The following LRP2BP variants were observed in gnomAD, a reference collection of about 807,000 sequenced individuals.
The protein encoded by LRP2BP is LRP2 binding protein.
In LRP2BP, 38 loss-of-function variants were observed where a neutral mutation model predicts 45.2. The observed-to-expected ratio is 0.84, with a 90% CI of 0.65 to 1.10. The LOEUF (loss-of-function observed/expected upper bound fraction) is 1.10. Among genes scored for constraint, LRP2BP ranks in the 50% least tolerant of loss-of-function variants. The pLI is 0.00. For synonymous variants in LRP2BP, 153 were observed against 153.9 expected, an observed-to-expected ratio of 0.99 and a Z score of 0.04; for missense variants, 385 against 418.9, an observed-to-expected ratio of 0.92 and a Z score of 0.71.
intron 2 of LRP2BP, chr4:185,377,848 CT>C: frequency 2.4e-6 from 1 of 424,130 alleles, no homozygotes; most frequent in Non-Finnish European, 4.2e-6. Flanking sequence ...GAAGCATGTC[CT>C]TAAGTCCTGA....
At chr4:185,373,269 G>A (rs563229045) in intron 6 of LRP2BP, among the ~76,000 whole-genome samples, 190 bp from the exon 7 acceptor site, 4 of 152,280 alleles carry the variant, frequency 2.6e-5, no homozygotes, top group African/African-American at 7.2e-5. Context: ...GAGTTCCTCC[G>A]CTGTCTGTCC....
rs1184392698 is a variant in LRP2BP, at chr4:185,365,692, ATAATAAT to A, written c.*1481_*1487del. The A allele has an allele frequency of 5.0e-5, 7 of 138,796 alleles. No individual in the cohort carries two copies. The highest frequency in any genetic ancestry group is 2.0e-4 in the African/African-American group (7 of 35,602). 8.6% of individuals were successfully genotyped at this position (138,796 alleles called of 1,614,324 possible). On this transcript the variant is annotated 3_prime_UTR_variant, in exon 9 of 9. Coordinates refer to ENST00000505916, the MANE Select transcript of LRP2BP (RefSeq NM_001377440.1). ...GAGACTCCGTCTCAAAAAAAAAAAAATAATAATAATAATAATAATAATAATCTTTAGG... is the reference window on the plus strand; with the variant it reads ...GAGACTCCGTCTCAAAAAAAAAAAAAAATAATAATAATAATAATCTTTAGG...
intron 7 of LRP2BP, among the ~76,000 whole-genome samples, chr4:185,372,449 C>T (rs1266115106): frequency 6.6e-6 from 1 of 152,226 alleles, no homozygotes; most frequent in African/African-American, 2.4e-5. Context: ...CAATAGCTAT[C>T]ATTTCTAATA....
At chr4:185,385,914 G>GT (rs66982021) in intron 1 of LRP2BP, among the ~76,000 whole-genome samples, 4 of 144,692 alleles carry the variant, frequency 2.8e-5, no homozygotes, top group Admixed American at 6.9e-5. Flanking sequence ...GAGGGGGGGG[G>GT]GGAGATAAAG....
chr4:185,392,844 T>C (rs1001642924), intron 1 of LRP2BP, among the ~76,000 whole-genome samples: 7 of 152,234 alleles, frequency 4.6e-5, no homozygotes, highest in African/African-American at 1.7e-4. Context: ...TCAGAAATGC[T>C]TGATGCGTTT....
chr4:185,388,370 T>G (rs573698640), intron 1 of LRP2BP, among the ~76,000 whole-genome samples: 4 of 135,886 alleles, frequency 2.9e-5, no homozygotes, highest in African/African-American at 9.0e-5. Flanking sequence ...TCCCGGGGTC[T>G]TATTTCTGCC....
chr4:185,392,129 TCTA>T (rs2095489823), intron 1 of LRP2BP, among the ~76,000 whole-genome samples: 1 of 152,222 alleles, frequency 6.6e-6, no homozygotes, highest in Admixed American at 6.5e-5. Flanking sequence ...CTCTACTTCA[TCTA>T]ATTTTACAAA....
Position 185,367,121 on chromosome 4 carries a change from A to G in LRP2BP, c.*59T>C. The G allele has an allele frequency of 7.1e-7, 1 of 1,406,846 alleles. No individual in the cohort carries two copies. Among genetic ancestry groups the G allele is most frequent in the Admixed American group, 1.8e-5 (1 of 56,230 alleles). 87.1% of individuals were successfully genotyped at this position (1,406,846 alleles called of 1,614,324 possible). A position where few individuals can be genotyped will look rare whatever the true frequency, so the allele number is the denominator to read the frequency against. On this transcript the variant is annotated 3_prime_UTR_variant, in exon 9 of 9. Coordinates refer to ENST00000505916, the MANE Select transcript of LRP2BP (RefSeq NM_001377440.1). ...CAAAATAACCAAACATAGCTACTGT[A>G]AAAATACACACATTGTGAGGTGTTA...
intron 1 of LRP2BP, among the ~76,000 whole-genome samples, chr4:185,392,182 T>C (rs1271286205): frequency 1.3e-5 from 2 of 152,220 alleles, no homozygotes; most frequent in African/African-American, 2.4e-5. Context: ...GAAAGGAATA[T>C]ATAACCAGGA....
rs541218696 is a variant in LRP2BP, at chr4:185,372,897, A to G, written c.762T>C (p.Tyr254=). 36 of 1,611,816 alleles carry G rather than the reference A, an allele frequency of 2.2e-5. No individual in the cohort carries two copies. In the South Asian group the frequency reaches 3.7e-4, roughly 17 times the overall value. Residue 254 remains tyrosine, a synonymous_variant, in exon 7 of 9, where the codon TAT becomes TAC. Coordinates refer to ENST00000505916, the MANE Select transcript of LRP2BP (RefSeq NM_001377440.1). ...YAQGNLVEYY[Y]KMKFFTKCVA... is the part of the protein sequence containing the mutation. ...CACACTTTGTAAAAAATTTCATCTT[A>G]TAGTAATACTCCACGAGATTCCCTT...
In LRP2BP at chr4:185,395,222, C is replaced by G. The variant is rs553010489; in HGVS notation, c.-465G>C. The stretch of plus-strand genomic sequence containing the variant: ...TAACAGGAAGTTAAAAAATAACTAC[C>G]ACTTAATGCATACTGAACAGAATCT... On this transcript the variant is annotated 5_prime_UTR_variant, in exon 1 of 9. Coordinates refer to ENST00000505916, the MANE Select transcript of LRP2BP (RefSeq NM_001377440.1). 2.0e-6 allele frequency: 2 copies of G among 985,262 alleles called. No homozygotes were observed. Among genetic ancestry groups the G allele is most frequent in the Non-Finnish European group, 2.4e-6 (2 of 829,914 alleles). 61.0% of individuals were successfully genotyped at this position (985,262 alleles called of 1,614,324 possible).
intron 7 of LRP2BP, 76 bp from the exon 8 acceptor site, chr4:185,370,890 C>CT (rs1173774836): frequency 6.8e-7 from 1 of 1,477,466 alleles, no homozygotes; most frequent in African/African-American, 1.4e-5. Flanking sequence ...CGCCTAGAGA[C>CT]TGTCCTTGTG....
intron 1 of LRP2BP, among the ~76,000 whole-genome samples, chr4:185,385,571 C>T (rs1377852763): frequency 6.6e-6 from 1 of 152,116 alleles, no homozygotes; most frequent in Admixed American, 6.5e-5. Flanking sequence ...GCTTGTCACC[C>T]CACCTCCCCA....
chr4:185,376,302 G>T (rs781357823), intron 3 of LRP2BP, among the ~76,000 whole-genome samples: 1 of 152,022 alleles, frequency 6.6e-6, no homozygotes, highest in African/African-American at 2.4e-5. Context: ...TTTTGAGAGG[G>T]AGTCTCGCTC....
intron 1 of LRP2BP, among the ~76,000 whole-genome samples, chr4:185,388,945 G>A (rs1043137664): frequency 6.6e-6 from 1 of 151,792 alleles, no homozygotes; most frequent in Admixed American, 6.6e-5. Context: ...GTGCGATCTC[G>A]GCTCACTGCA....
At chr4:185,392,614 CTT>C (rs1036054117) in intron 1 of LRP2BP, among the ~76,000 whole-genome samples, 1 of 150,700 alleles carries the variant, frequency 6.6e-6, no homozygotes, top group Admixed American at 6.6e-5. Context: ...AAAAAAAAAA[CTT>C]AAAAAAAATC....
In LRP2BP at chr4:185,364,974, A is replaced by G. The variant is rs1047861672; in HGVS notation, c.*2206T>C. On this transcript the variant is annotated 3_prime_UTR_variant, in exon 9 of 9. Coordinates refer to ENST00000505916, the MANE Select transcript of LRP2BP (RefSeq NM_001377440.1). ...TGATAAAATGTCATTTTTCCATGAG[A>G]TATCAGCTACAAGGAATCTTAGAGA... 1 of 151,916 alleles carries G rather than the reference A, an allele frequency of 6.6e-6. No individual in the cohort carries two copies. The highest frequency in any genetic ancestry group is 2.4e-5 in the African/African-American group (1 of 41,284). 9.4% of individuals were successfully genotyped at this position (151,916 alleles called of 1,614,324 possible).
rs913293266 is a variant in LRP2BP, at chr4:185,395,289, A to G, written c.-532T>C. On this transcript the variant is annotated 5_prime_UTR_variant, in exon 1 of 9. Transcript: ENST00000505916. ...TATGAAATATGGAGGCACTTTCACC[A>G]CACAAATATCCCACTACATATGCTA... 1.0e-6 allele frequency: 1 copy of G among 985,476 alleles called. No homozygotes were observed. The highest frequency in any genetic ancestry group is 1.7e-5 in the African/African-American group (1 of 57,378). The allele number at this position is 985,476 out of a possible 1,614,324, so 61.0% of individuals were successfully genotyped here.
chr4:185,367,340 T>C, intron 8 of LRP2BP, 95 bp from the exon 9 acceptor site: 7 of 1,114,702 alleles, frequency 6.3e-6, no homozygotes, highest in African/African-American at 1.6e-5. Flanking sequence ...TTTTTAAGAA[T>C]AGTAAAGTAC....
Sources: gnomAD v4.1 joint callset for allele counts (sites outside exome capture counted in the v4.1 genomes callset) on GRCh38, gnomAD v4.1.1 for gene constraint, MANE v1.5 for transcripts, NCBI Gene and HGNC (gene_info 2026-07-23, HGNC 2026-07-21) for gene names.